The following WNT7A variants were observed in gnomAD, a reference collection of about 807,000 sequenced individuals.
WNT7A encodes the protein protein Wnt-7a.
WNT7A carries 16 observed loss-of-function variants against 28.2 expected under a neutral mutation model. The observed-to-expected ratio is 0.57, with a 90% CI of 0.38 to 0.86. The LOEUF is 0.86. WNT7A is among the 40% of genes least tolerant of loss of function. The pLI is 0.00. For missense variants in WNT7A, 411 were observed against 489.7 expected (o/e 0.84, Z 1.52); for synonymous variants, 190 against 195.9 (o/e 0.97, Z 0.25).
At chr3:13,835,492 G>C (rs577960432) in intron 3 of WNT7A, among the ~76,000 whole-genome samples, 74 of 152,266 alleles carry the variant, frequency 4.9e-4, no homozygotes, top group Admixed American at 2.7e-3. Flanking sequence ...GCTCCTGCTG[G>C]CCTGCCTGGC....
At chr3:13,871,315 G>T (rs1695023360) in intron 2 of WNT7A, among the ~76,000 whole-genome samples, 1 of 152,314 alleles carries the variant, frequency 6.6e-6, no homozygotes, top group African/African-American at 2.4e-5. Flanking sequence ...CCCCATGGGG[G>T]TGAGAGCACT....
At position 13,873,134 on chromosome 3, in the gene WNT7A, A is replaced by C. The variant is rs1351458417; in HGVS notation, c.298+1813T>G. Among the ~76,000 whole-genome samples the C allele has an allele frequency of 3.3e-5, 5 of 151,960 alleles. No individual in the cohort carries two copies. The South Asian group carries it at 1.0e-3, about 32-fold the overall frequency. On this transcript the variant is annotated intron_variant, in intron 2 of 3. Coordinates refer to ENST00000285018, the MANE Select transcript of WNT7A (RefSeq NM_004625.4). ...AAACTGGAGTCTCAGTGTTGATGCCACTCACTATGTGACCCGGGACAGTCC... is the reference window on the plus strand; with the variant it reads ...AAACTGGAGTCTCAGTGTTGATGCCCCTCACTATGTGACCCGGGACAGTCC...
In WNT7A at chr3:13,819,130, GC is replaced by G; in HGVS notation, c.863del (p.Gly288AlafsTer93). 1 of 1,614,182 alleles carries G rather than the reference GC, an allele frequency of 6.2e-7. No homozygotes were observed. The highest frequency in any genetic ancestry group is 1.7e-5 in the Admixed American group (1 of 60,036). The part of the protein sequence containing the change: ...CEEDPVTGSV[G>X]TQGRACNKTA... The stretch of plus-strand genomic sequence containing the variant: ...TCTTGTTGCAGGCGCGGCCCTGGGT[GC>G]CCACACTGCCGGTCACCGGGTCCTC... On this transcript the variant is annotated frameshift_variant, in exon 4 of 4. Transcript: ENST00000285018. LOFTEE classifies it high-confidence loss of function.
chr3:13,822,944 C>T (rs549540639), intron 3 of WNT7A, among the ~76,000 whole-genome samples: 65 of 152,306 alleles, frequency 4.3e-4, no homozygotes, highest in African/African-American at 1.4e-3. Context: ...ATGTGGCCTC[C>T]CTGTTCTTCT....
rs1227148130 is a variant in WNT7A, at chr3:13,817,092, G to A, written c.*1852C>T. ...GGCTCCCAGCAGGTGGGGCCATGGG[G>A]CTGTGCTGTGGTCTCAGAGGTGTCT... is the stretch of plus-strand genomic sequence containing the variant. On this transcript the variant is annotated 3_prime_UTR_variant, in exon 4 of 4. Coordinates refer to ENST00000285018, the MANE Select transcript of WNT7A (RefSeq NM_004625.4). 6.6e-6 allele frequency: 1 copy of A among 152,328 alleles called. No individual in the cohort carries two copies. Among genetic ancestry groups the A allele is most frequent in the Non-Finnish European group, 1.5e-5 (1 of 68,146 alleles). 9.4% of individuals were successfully genotyped at this position (152,328 alleles called of 1,614,324 possible).
chr3:13,879,109 G>C (rs1303906031), intron 1 of WNT7A, among the ~76,000 whole-genome samples: 2 of 152,234 alleles, frequency 1.3e-5, no homozygotes, highest in Admixed American at 6.5e-5. Flanking sequence ...GTGTTTGTTG[G>C]GGGTGGGACG....
At chr3:13,838,856 G>T (rs1473077364) in intron 3 of WNT7A, among the ~76,000 whole-genome samples, 1 of 152,198 alleles carries the variant, frequency 6.6e-6, no homozygotes, top group Non-Finnish European at 1.5e-5. Context: ...TCCAAAACGG[G>T]AGCCATGAGC....
chr3:13,866,989 C>CA (rs893919379), intron 2 of WNT7A, among the ~76,000 whole-genome samples: 4 of 152,020 alleles, frequency 2.6e-5, no homozygotes, highest in African/African-American at 9.7e-5. Flanking sequence ...GAGGTAGAGT[C>CA]AAAATGGTCA....
At chr3:13,821,427 A>G (rs1694108282) in intron 3 of WNT7A, among the ~76,000 whole-genome samples, 1 of 152,236 alleles carries the variant, frequency 6.6e-6, no homozygotes, top group African/African-American at 2.4e-5. Flanking sequence ...TCCAAGACAC[A>G]TACCCTAGAG....
chr3:13,865,160 G>A (rs753583839), intron 2 of WNT7A, among the ~76,000 whole-genome samples: 1 of 152,210 alleles, frequency 6.6e-6, no homozygotes, highest in Non-Finnish European at 1.5e-5. Context: ...ATGGAAATGA[G>A]TGGACCCTCT....
intron 3 of WNT7A, among the ~76,000 whole-genome samples, chr3:13,848,704 C>CA (rs1359195441): frequency 1.3e-5 from 2 of 152,172 alleles, no homozygotes; most frequent in African/African-American, 2.4e-5. Flanking sequence ...TAAAGCTAAA[C>CA]ATACAGCCAT....
rs1694009462 is a variant in WNT7A, at chr3:13,816,733, CCGCT to C, written c.*2207_*2210del. The C allele has an allele frequency of 6.6e-6, 1 of 152,184 alleles. No homozygotes were observed. The highest frequency in any genetic ancestry group is 1.5e-5 in the Non-Finnish European group (1 of 68,012). 9.4% of individuals were successfully genotyped at this position (152,184 alleles called of 1,614,324 possible). The stretch of plus-strand genomic sequence containing the variant: ...CTTTCCTAGCTATTCATCCATTCAT[CCGCT>C]CACTTATCAATCCATCCACCCATCT... On this transcript the variant is annotated 3_prime_UTR_variant, in exon 4 of 4. Coordinates refer to ENST00000285018, the MANE Select transcript of WNT7A (RefSeq NM_004625.4).
intron 3 of WNT7A, among the ~76,000 whole-genome samples, chr3:13,852,155 C>G (rs1370866811): frequency 2.6e-5 from 4 of 152,224 alleles, no homozygotes; most frequent in African/African-American, 9.6e-5. Flanking sequence ...CCCCTTCAGC[C>G]CAGGGGCAGC....
intron 1 of WNT7A, chr3:13,877,116 C>G (rs1695120989): frequency 6.6e-6 from 1 of 152,214 alleles, no homozygotes; most frequent in Admixed American, 6.5e-5. Flanking sequence ...GCAGGTGCCC[C>G]CCAAATATGC....
rs140807761 is a variant in WNT7A at position 13,874,368 on chromosome 3, G to C, written c.298+579C>G. Among the ~76,000 whole-genome samples the C allele has an allele frequency of 2.9e-3, 448 of 152,292 alleles. 5 individuals are homozygous for C. The highest frequency in any genetic ancestry group is 6.8e-3 in the Middle Eastern group (2 of 294). Reference sequence around the variant, plus strand: ...AAATGTGTGGCTCAAAACTCTGTGTGTATGTATGTGTCTGCACACGCCATT... The same window carrying C: ...AAATGTGTGGCTCAAAACTCTGTGTCTATGTATGTGTCTGCACACGCCATT... On this transcript the variant is annotated intron_variant, in intron 2 of 3. Coordinates refer to ENST00000285018, the MANE Select transcript of WNT7A (RefSeq NM_004625.4).
At chr3:13,874,092 A>C (rs1695065668) in intron 2 of WNT7A, among the ~76,000 whole-genome samples, 1 of 152,212 alleles carries the variant, frequency 6.6e-6, no homozygotes, top group African/African-American at 2.4e-5. Context: ...CTGGGAGCCC[A>C]GATGTGACAG....
intron 2 of WNT7A, among the ~76,000 whole-genome samples, chr3:13,863,513 G>A (rs2124868810): frequency 6.6e-6 from 1 of 152,212 alleles, no homozygotes; most frequent in African/African-American, 2.4e-5. Flanking sequence ...CATGAAAGCT[G>A]GGAAGAGAAC....
chr3:13,875,999 G>T, intron 1 of WNT7A: 1 of 152,412 alleles, frequency 6.6e-6, no homozygotes. Flanking sequence ...AATAAAACAG[G>T]CCATCTCGAC....
At chr3:13,836,851 C>G (rs1694378651) in intron 3 of WNT7A, among the ~76,000 whole-genome samples, 1 of 152,202 alleles carries the variant, frequency 6.6e-6, no homozygotes, top group Non-Finnish European at 1.5e-5. Context: ...GTGCAATGCC[C>G]TGGGGCTGGA....
Sources: gnomAD v4.1 joint callset for allele counts (sites outside exome capture counted in the v4.1 genomes callset) on GRCh38, gnomAD v4.1.1 for gene constraint, MANE v1.5 for transcripts, NCBI Gene and HGNC (gene_info 2026-07-23, HGNC 2026-07-21) for gene names.